Variants in AGTPBP1 observed in about 807,000 individuals in gnomAD.
AGTPBP1 encodes cytosolic carboxypeptidase 1.
Under a neutral mutation model 143.9 loss-of-function variants are expected in AGTPBP1, and 70 were observed. The ratio of observed to expected loss-of-function variants is 0.49; its 90% CI spans 0.40 to 0.59. The LOEUF (loss-of-function observed/expected upper bound fraction) is 0.59, where lower values mean the gene tolerates loss of function less well. Ranked by LOEUF, AGTPBP1 falls within the 20% of genes least tolerant of loss-of-function variation. The probability of loss-of-function intolerance (pLI) is 0.00; values close to 1 mark genes in which losing one functional copy is unlikely to be tolerated. For missense variants in AGTPBP1, 1,229 were observed against 1,464.5 expected (o/e 0.84, Z 2.62); for synonymous variants, 463 against 500.2 (o/e 0.93, Z 0.99).
intron 25 of AGTPBP1, among the ~76,000 whole-genome samples, chr9:85,564,837 T>G (rs1437936125): frequency 6.6e-6 from 1 of 152,246 alleles, no homozygotes; most frequent in African/African-American, 2.4e-5. Context: ...GACTTTAAAC[T>G]TTTGAGTTAA....
At chr9:85,672,215 C>T (rs1369985917) in intron 7 of AGTPBP1, among the ~76,000 whole-genome samples, 2 of 151,990 alleles carry the variant, frequency 1.3e-5, no homozygotes, top group South Asian at 2.1e-4. Context: ...GGATTAGGCG[C>T]CCACCACCAT....
intron 25 of AGTPBP1, among the ~76,000 whole-genome samples, chr9:85,550,348 T>C (rs1307662292): frequency 1.3e-5 from 2 of 152,174 alleles, no homozygotes; most frequent in African/African-American, 2.4e-5. Context: ...ATCACCATTT[T>C]CCAGTCCATT....
the AGTPBP1 span, among the ~76,000 whole-genome samples, chr9:85,758,185 CA>C: frequency 1.3e-5 from 2 of 151,912 alleles, no homozygotes; most frequent in African/African-American, 4.8e-5. Flanking sequence ...CTATTAAAGA[CA>C]GAAAACAAAA....
At chr9:85,648,694 C>A (rs1832967956) in intron 11 of AGTPBP1, among the ~76,000 whole-genome samples, 1 of 152,124 alleles carries the variant, frequency 6.6e-6, no homozygotes, top group Admixed American at 6.6e-5. Flanking sequence ...CACGTGTAGT[C>A]CCAGCTACTC....
At chr9:85,770,339 T>C in the AGTPBP1 span, 122 of 1,608,480 alleles carry the variant, frequency 7.6e-5, 1 homozygote, top group South Asian at 1.2e-4. Flanking sequence ...GAAGCTGCAA[T>C]TGAATACAAG....
Position 85,589,666 on chromosome 9 carries a change from A to G in AGTPBP1, c.2584T>C (p.Leu862=), listed in dbSNP as rs1354736159. The change falls in exon 20 of 26, where the codon TTG becomes CTG. Residue 862 remains leucine, a synonymous_variant. Coordinates refer to ENST00000357081, the MANE Select transcript of AGTPBP1 (RefSeq NM_001330701.2). ...YSTLQMHLQK[L]ESAHNPQQIY... ...TGCTGAGGATTGTGTGCTGATTCCA[A>G]TTTTTGAAGATGCATCTTGATAAAA... The G allele has an allele frequency of 1.2e-6, 2 of 1,603,744 alleles. No homozygotes were observed. Among genetic ancestry groups the G allele is most frequent in the South Asian group, 1.1e-5 (1 of 88,686 alleles).
the AGTPBP1 span, among the ~76,000 whole-genome samples, chr9:85,775,959 C>T: frequency 6.6e-6 from 1 of 152,202 alleles, no homozygotes; most frequent in Non-Finnish European, 1.5e-5. Context: ...TCAATCCAGT[C>T]AAGTTAACAC....
rs773127235 is a variant in AGTPBP1 at position 85,657,424 on chromosome 9, A to C, written c.909+11T>G. The C allele has an allele frequency of 6.3e-7, 1 of 1,598,928 alleles. No individual in the cohort carries two copies. ...GTACATAATCACAATAATAAGAAGA[A>C]AATAACTCACTTGCGAAGTATTATA... On this transcript the variant is annotated intron_variant, in intron 10 of 25. Coordinates refer to ENST00000357081, the MANE Select transcript of AGTPBP1 (RefSeq NM_001330701.2).
intron 23 of AGTPBP1, among the ~76,000 whole-genome samples, chr9:85,584,198 A>G (rs1394741048): frequency 6.6e-6 from 1 of 152,046 alleles, no homozygotes; most frequent in Non-Finnish European, 1.5e-5. Context: ...GAGCTCTACT[A>G]ATCTACTTGG....
At chr9:85,752,587 G>C in the AGTPBP1 span, among the ~76,000 whole-genome samples, 29 of 152,200 alleles carry the variant, frequency 1.9e-4, no homozygotes, top group African/African-American at 7.0e-4. Flanking sequence ...GTATTGTATT[G>C]CCTCAGTAAG....
intron 19 of AGTPBP1, 50 bp from the exon 20 acceptor site, chr9:85,589,731 T>C: frequency 1.3e-6 from 2 of 1,517,532 alleles, no homozygotes; most frequent in Non-Finnish European, 8.9e-7. Context: ...AAAGTCCCTA[T>C]GATATACAGA....
chr9:85,649,008 A>G (rs1269925658), intron 11 of AGTPBP1, among the ~76,000 whole-genome samples: 1 of 152,200 alleles, frequency 6.6e-6, no homozygotes, highest in Non-Finnish European at 1.5e-5. Context: ...CATGTAGCTT[A>G]AGAGCGTCTG....
At chr9:85,668,514 G>T (rs960938316) in intron 8 of AGTPBP1, among the ~76,000 whole-genome samples, 1 of 151,816 alleles carries the variant, frequency 6.6e-6, no homozygotes, top group African/African-American at 2.4e-5. Flanking sequence ...TAGTATTCTG[G>T]TTATTTTTAA....
chr9:85,657,210 AAAAG>A (rs1005932133), intron 10 of AGTPBP1, among the ~76,000 whole-genome samples: 4 of 151,860 alleles, frequency 2.6e-5, no homozygotes, highest in East Asian at 1.9e-4. Context: ...CAAAAAAAAA[AAAAG>A]AAAGAAAATT....
chr9:85,625,283 C>G (rs966486898), intron 14 of AGTPBP1, among the ~76,000 whole-genome samples: 3 of 152,236 alleles, frequency 2.0e-5, no homozygotes, highest in Admixed American at 2.0e-4. Context: ...GAGATTCTCT[C>G]ATACATGAAT....
intron 14 of AGTPBP1, among the ~76,000 whole-genome samples, chr9:85,621,677 T>C (rs1226207275): frequency 2.0e-5 from 3 of 152,090 alleles, no homozygotes; most frequent in Admixed American, 6.6e-5. Flanking sequence ...AGAGATTATA[T>C]AAGAATAATT....
intron 3 of AGTPBP1, among the ~76,000 whole-genome samples, chr9:85,687,197 T>TA (rs1239967983): frequency 2.0e-5 from 3 of 152,104 alleles, no homozygotes; most frequent in African/African-American, 4.8e-5. Flanking sequence ...GAAACAACTA[T>TA]AAATGTATAC....
the AGTPBP1 span, among the ~76,000 whole-genome samples, chr9:85,802,078 C>A: frequency 4.6e-5 from 7 of 152,144 alleles, no homozygotes; most frequent in Non-Finnish European, 1.0e-4. Flanking sequence ...TTCTCATATG[C>A]ATTCCTTACA....
chr9:85,651,797 T>G (rs1031176519), intron 11 of AGTPBP1, among the ~76,000 whole-genome samples: 1 of 152,236 alleles, frequency 6.6e-6, no homozygotes, highest in Admixed American at 6.5e-5. Context: ...TTCAGAAGAA[T>G]AAGTATCAAG....
Sources: gnomAD v4.1 joint callset for allele counts (sites outside exome capture counted in the v4.1 genomes callset) on GRCh38, gnomAD v4.1.1 for gene constraint, MANE v1.5 for transcripts, NCBI Gene and HGNC (gene_info 2026-07-23, HGNC 2026-07-21) for gene names.